The following TRPM6 variants were observed in gnomAD, a reference collection of about 807,000 sequenced individuals.
TRPM6 encodes the protein transient receptor potential cation channel subfamily M member 6, also known as channel kinase 2.
Under a neutral mutation model 247.6 loss-of-function variants are expected in TRPM6, and 111 were observed. The ratio of observed to expected loss-of-function variants is 0.45; its 90% CI spans 0.38 to 0.52. The LOEUF (loss-of-function observed/expected upper bound fraction) is 0.52. Among genes scored for constraint, TRPM6 ranks in the 20% least tolerant of loss-of-function variants. The pLI is 0.00. For missense variants in TRPM6, 2,126 were observed against 2,421.5 expected, an observed-to-expected ratio of 0.88 and a Z score of 2.56; for synonymous variants, 892 against 853.8, an observed-to-expected ratio of 1.04 and a Z score of -0.78.
chr9:74,775,598 G>A (rs1383667088), intron 24 of TRPM6, among the ~76,000 whole-genome samples: 2 of 152,146 alleles, frequency 1.3e-5, no homozygotes, highest in African/African-American at 4.8e-5. Flanking sequence ...GGTCAGCAGA[G>A]AAAACACAAG....
chr9:74,742,664 T>A (rs758103276), intron 32 of TRPM6, 38 bp from the exon 33 acceptor site: 11 of 1,576,118 alleles, frequency 7.0e-6, no homozygotes, highest in African/African-American at 1.3e-5. Context: ...TAAGTATGCA[T>A]CAGTGGCTGA....
At chr9:74,818,412 C>G (rs1349878005) in intron 9 of TRPM6, among the ~76,000 whole-genome samples, 4 of 147,184 alleles carry the variant, frequency 2.7e-5, no homozygotes. Flanking sequence ...AAGCGATTCT[C>G]CTGCCTAAGC....
In TRPM6 at chr9:74,791,835, AG is replaced by A. The variant is rs200062105; in HGVS notation, c.2538+788del. ...TAGCGGCGCAATCTCGGCTCACTGC[AG>A]GCTCTGCCCCCTGGGGTTCTCGCCA... On this transcript the variant is annotated intron_variant, in intron 19 of 38. Transcript: ENST00000360774. 8.8e-3 allele frequency among the ~76,000 whole-genome samples: 1,345 copies of A among 152,222 alleles called. 22 individuals carry two copies. Among genetic ancestry groups the A allele is most frequent in the African/African-American group, 0.029 (1,211 of 41,536 alleles).
intron 20 of TRPM6, among the ~76,000 whole-genome samples, chr9:74,786,603 G>A (rs1048488803): frequency 1.3e-5 from 2 of 152,060 alleles, no homozygotes; most frequent in South Asian, 2.1e-4. Context: ...AGCCGGGCGT[G>A]GTTGCGGGTG....
At chr9:74,760,853 T>C (rs1032702385) in intron 27 of TRPM6, among the ~76,000 whole-genome samples, 6 of 152,130 alleles carry the variant, frequency 3.9e-5, no homozygotes, top group African/African-American at 1.4e-4. Context: ...AATGGACTAA[T>C]GGATTATGGA....
At chr9:74,734,033 A>C (rs1055825836) in intron 36 of TRPM6, among the ~76,000 whole-genome samples, 1 of 152,258 alleles carries the variant, frequency 6.6e-6, no homozygotes, top group Non-Finnish European at 1.5e-5. Flanking sequence ...CTTTGAAAAA[A>C]AGATGACACT....
intron 7 of TRPM6, among the ~76,000 whole-genome samples, chr9:74,824,511 G>GAAAAAAAA (rs59044061): frequency 4.3e-5 from 2 of 46,966 alleles, no homozygotes; most frequent in Non-Finnish European, 1.1e-4. Context: ...GGCTTTTTCT[G>GAAAAAAAA]AAAAAAAAAA....
intron 19 of TRPM6, among the ~76,000 whole-genome samples, chr9:74,790,847 T>C (rs1454531970): frequency 1.3e-5 from 2 of 152,142 alleles, no homozygotes; most frequent in Non-Finnish European, 2.9e-5. Context: ...TGAGAACAGG[T>C]TGGATTCCTA....
At chr9:74,824,457 C>G (rs999682050) in intron 7 of TRPM6, among the ~76,000 whole-genome samples, 1 of 137,554 alleles carries the variant, frequency 7.3e-6, no homozygotes, top group African/African-American at 2.6e-5. Flanking sequence ...TGGCCCACTT[C>G]TCTTGAAATA....
chr9:74,728,933 T>C (rs1825427368), intron 37 of TRPM6, among the ~76,000 whole-genome samples: 2 of 152,170 alleles, frequency 1.3e-5, no homozygotes, highest in African/African-American at 4.8e-5. Context: ...TATGACACAA[T>C]GTGTTGGTGG....
chr9:74,770,481 A>G (rs1225446556), intron 25 of TRPM6, among the ~76,000 whole-genome samples: 1 of 152,192 alleles, frequency 6.6e-6, no homozygotes, highest in Non-Finnish European at 1.5e-5. Flanking sequence ...TAAATCCAAC[A>G]GTAACTCAGA....
intron 11 of TRPM6, among the ~76,000 whole-genome samples, chr9:74,816,089 A>G (rs955648035): frequency 1.3e-5 from 2 of 152,246 alleles, no homozygotes; most frequent in African/African-American, 2.4e-5. Flanking sequence ...ACAGTGGCTC[A>G]CGCCTGTAAT....
At chr9:74,868,852 C>T (rs17060595) in intron 1 of TRPM6, among the ~76,000 whole-genome samples, 23,933 of 151,866 alleles carry the variant, frequency 0.16, 2,068 homozygotes, top group East Asian at 0.27. Flanking sequence ...ATAATAGAGA[C>T]GATCAAAGGG....
rs190508214 is a variant in TRPM6, at chr9:74,870,662, G to A, written c.34-11914C>T. On this transcript the variant is annotated intron_variant, in intron 1 of 38. Transcript: ENST00000360774. Reference sequence around the variant, plus strand: ...CCACGGGCTGGGCGCAGTGGCTCACGCCTGTAATCCCTGCACTTTGGGAGG... The same window carrying A: ...CCACGGGCTGGGCGCAGTGGCTCACACCTGTAATCCCTGCACTTTGGGAGG... Among the ~76,000 whole-genome samples the A allele has an allele frequency of 2.0e-3, 310 of 152,196 alleles. 4 individuals carry two copies. Among genetic ancestry groups the A allele is most frequent in the African/African-American group, 7.1e-3 (295 of 41,532 alleles).
At position 74,833,999 on chromosome 9, in the gene TRPM6, T is replaced by A. The variant is rs977046361; in HGVS notation, c.668A>T (p.Asp223Val). The A allele has an allele frequency of 1.4e-5, 22 of 1,613,932 alleles. No homozygotes were observed. The highest frequency in any genetic ancestry group is 1.9e-5 in the Non-Finnish European group (22 of 1,179,932). ...GTTATGAAAGGATTGTCTACTTACA[T>A]CTTTTCCAATAAGGTCTCTCTGGTT... ...IENQRDLIGK[D>V]VVCLYQTLDN... The change falls in exon 6 of 39, where the codon GAT becomes GTT. Residue 223 changes from aspartate to valine, a missense_variant and splice_region_variant. By Grantham distance (152) the Asp-to-Val change is radical (BLOSUM62 -3). Around this residue, in one of 3 missense-constraint regions of TRPM6, gnomAD observed 1,082 missense variants for 1,307.9 expected, o/e 0.83. Coordinates refer to ENST00000360774, the MANE Select transcript of TRPM6 (RefSeq NM_017662.5).
At chr9:74,853,265 G>C (rs565764271) in intron 3 of TRPM6, among the ~76,000 whole-genome samples, 1 of 151,092 alleles carries the variant, frequency 6.6e-6, no homozygotes, top group Non-Finnish European at 1.5e-5. Flanking sequence ...CAGCCGCCCC[G>C]TCAGGGAAGT....
At chr9:74,887,525 C>A in intron 1 of TRPM6, 1 of 1,221,602 alleles carries the variant, frequency 8.2e-7, no homozygotes, top group Non-Finnish European at 1.2e-6. Flanking sequence ...CCGAGCTGAA[C>A]CCCCGACCCC....
intron 16 of TRPM6, among the ~76,000 whole-genome samples, chr9:74,801,691 C>A (rs997460800): frequency 1.3e-5 from 2 of 152,158 alleles, no homozygotes; most frequent in African/African-American, 4.8e-5. Context: ...GGACTAGAAC[C>A]CAAGTCCCCT....
intron 11 of TRPM6, among the ~76,000 whole-genome samples, chr9:74,816,175 A>G (rs547520157): frequency 6.2e-4 from 95 of 152,298 alleles, no homozygotes; most frequent in African/African-American, 2.2e-3. Context: ...CAATATAACA[A>G]GTCGTTGTCT....
Sources: allele counts gnomAD v4.1 joint callset (sites outside exome capture counted in the v4.1 genomes callset), GRCh38; gene constraint gnomAD v4.1.1; regional missense constraint gnomAD v4.1.1; transcripts MANE v1.5; gene names NCBI Gene and HGNC (gene_info 2026-07-23, HGNC 2026-07-21).